Variants in TNFRSF21 observed in about 807,000 individuals in gnomAD.
The protein encoded by TNFRSF21 is TNF receptor superfamily member 21.
In TNFRSF21, 19 loss-of-function variants were observed where a neutral mutation model predicts 45.6. The ratio of observed to expected loss-of-function variants is 0.42; its 90% CI spans 0.29 to 0.61. The LOEUF is 0.61. Ranked by LOEUF, TNFRSF21 falls within the 20% of genes least tolerant of loss-of-function variation. TNFRSF21 has a pLI of 0.23. For synonymous variants in TNFRSF21, 314 were observed against 335.5 expected (o/e 0.94, Z 0.70); for missense variants, 737 against 851.5 (o/e 0.87, Z 1.67).
At chr6:47,292,655 A>T (rs538204274) in intron 1 of TNFRSF21, among the ~76,000 whole-genome samples, 2 of 152,194 alleles carry the variant, frequency 1.3e-5, no homozygotes, top group African/African-American at 4.8e-5. Context: ...CCCTGTATTA[A>T]TTAGTATTTT....
chr6:47,290,627 T>A (rs1762711369), intron 1 of TNFRSF21, among the ~76,000 whole-genome samples: 1 of 152,162 alleles, frequency 6.6e-6, no homozygotes, highest in African/African-American at 2.4e-5. Context: ...AACTCGGCCC[T>A]GTTTAAACTG....
rs746299347 is a variant in TNFRSF21, at chr6:47,232,720, C to T, written c.*45G>A. ...AACAGAAGAAAATTAAAAAACCACCCTGCCACTAAATTGAGTAATTTCCAG... is the reference window on the plus strand; with the variant it reads ...AACAGAAGAAAATTAAAAAACCACCTTGCCACTAAATTGAGTAATTTCCAG... On this transcript the variant is annotated 3_prime_UTR_variant, in exon 6 of 6. Transcript: ENST00000296861. 4 of 1,576,304 alleles carry T rather than the reference C, an allele frequency of 2.5e-6. No individual in the cohort carries two copies. The highest frequency in any genetic ancestry group is 2.2e-5 in the East Asian group (1 of 44,582).
At chr6:47,285,917 A>T in intron 2 of TNFRSF21, 27 bp downstream of exon 2, 2 of 1,606,106 alleles carry the variant, frequency 1.2e-6, no homozygotes, top group East Asian at 4.5e-5. Flanking sequence ...GCCTTCCTCA[A>T]ATAAATAATT....
At chr6:47,257,165 C>A (rs1235689541) in intron 3 of TNFRSF21, among the ~76,000 whole-genome samples, 1 of 151,668 alleles carries the variant, frequency 6.6e-6, no homozygotes, top group Non-Finnish European at 1.5e-5. Context: ...AGTTTAACAA[C>A]CCCTCCTTCC....
intron 4 of TNFRSF21, among the ~76,000 whole-genome samples, chr6:47,236,139 G>A (rs1764663724): frequency 6.6e-6 from 1 of 152,242 alleles, no homozygotes; most frequent in African/African-American, 2.4e-5. Flanking sequence ...CAGAAAGCCA[G>A]TGCTCAACTC....
intron 3 of TNFRSF21, among the ~76,000 whole-genome samples, chr6:47,256,437 T>C (rs562993838): frequency 4.6e-5 from 7 of 152,162 alleles, no homozygotes; most frequent in South Asian, 2.1e-4. Flanking sequence ...GGTGGGAGGA[T>C]TGCTTGAGCC....
At chr6:47,247,525 G>A (rs1046958029) in intron 4 of TNFRSF21, among the ~76,000 whole-genome samples, 2 of 152,176 alleles carry the variant, frequency 1.3e-5, no homozygotes, top group African/African-American at 4.8e-5. Flanking sequence ...GCTTCAACTC[G>A]TCCTCACTGT....
chr6:47,231,661 G>A lies in TNFRSF21; in HGVS notation c.*1104C>T, dbSNP rs912816722. ...CACGCCACCTTTGCATTGGAACCTG[G>A]CAACTGAGCATTAGAAGGTACATTT... is the stretch of plus-strand genomic sequence containing the variant. On this transcript the variant is annotated 3_prime_UTR_variant, in exon 6 of 6. Coordinates refer to ENST00000296861, the MANE Select transcript of TNFRSF21 (RefSeq NM_014452.5). 6.6e-6 allele frequency: 1 copy of A among 152,466 alleles called. No individual in the cohort carries two copies. Among genetic ancestry groups the A allele is most frequent in the Admixed American group, 6.6e-5 (1 of 15,252 alleles). 9.4% of individuals were successfully genotyped at this position (152,466 alleles called of 1,614,324 possible).
rs148262861 is a variant in TNFRSF21 at position 47,308,354 on chromosome 6, G to A, written c.96+1062C>T. Among the ~76,000 whole-genome samples the A allele has an allele frequency of 5.3e-5, 8 of 152,228 alleles. No homozygotes were observed. In the East Asian group the frequency reaches 1.4e-3, roughly 26 times the overall value. On this transcript the variant is annotated intron_variant, in intron 1 of 5. Coordinates refer to ENST00000296861, the MANE Select transcript of TNFRSF21 (RefSeq NM_014452.5). ...TGCTTTTCCCTTACACAGCCCTGTC[G>A]TGAAAACAAGCTCTTGTTTCTTGGG...
intron 3 of TNFRSF21, among the ~76,000 whole-genome samples, chr6:47,272,173 C>A (rs1762431815): frequency 6.6e-6 from 1 of 152,174 alleles, no homozygotes; most frequent in Non-Finnish European, 1.5e-5. Flanking sequence ...ACCTAATAGA[C>A]ATCTACAGAA....
intron 3 of TNFRSF21, among the ~76,000 whole-genome samples, chr6:47,254,753 G>C (rs574163064): frequency 1.3e-5 from 2 of 152,314 alleles, no homozygotes; most frequent in African/African-American, 4.8e-5. Flanking sequence ...AACTTGGCTT[G>C]CATAGTTATA....
At chr6:47,292,452 G>GT (rs1258303110) in intron 1 of TNFRSF21, among the ~76,000 whole-genome samples, 1 of 151,790 alleles carries the variant, frequency 6.6e-6, no homozygotes, top group East Asian at 1.9e-4. Context: ...AATTTATTTG[G>GT]TTTTAGCTTT....
intron 3 of TNFRSF21, among the ~76,000 whole-genome samples, chr6:47,257,062 G>C (rs969164831): frequency 6.6e-6 from 1 of 152,090 alleles, no homozygotes; most frequent in Non-Finnish European, 1.5e-5. Flanking sequence ...CATTATGAAA[G>C]CTCCATACAC....
rs1236541140 is a variant in TNFRSF21, at chr6:47,234,665, C to T, written c.1738+5G>A. The T allele has an allele frequency of 6.2e-7, 1 of 1,601,798 alleles. No homozygotes were observed. ...CGTGTGTGAGGTCTGCTGCGATGCC[C>T]GTACCTTTGGTAATAAAGGAACCGT... is the stretch of plus-strand genomic sequence containing the variant. On this transcript the variant is annotated splice_donor_5th_base_variant and intron_variant, in intron 5 of 5. Transcript: ENST00000296861.
At chr6:47,301,247 C>G (rs2017424) in intron 1 of TNFRSF21, among the ~76,000 whole-genome samples, 89,893 of 152,092 alleles carry the variant, frequency 0.59, 28,452 homozygotes, top group African/African-American at 0.83. Context: ...ATCATTTATT[C>G]CTTAACTGTT....
intron 5 of TNFRSF21, 100 bp from the exon 6 acceptor site, chr6:47,233,094 C>G: frequency 1.0e-6 from 1 of 986,730 alleles, no homozygotes; most frequent in Non-Finnish European, 1.5e-6. Context: ...ACATCTATGT[C>G]CCCCCCAGCC....
intron 1 of TNFRSF21, among the ~76,000 whole-genome samples, chr6:47,301,429 G>A (rs568385438): frequency 1.3e-5 from 2 of 152,292 alleles, no homozygotes; most frequent in South Asian, 4.1e-4. Flanking sequence ...AGAGGAGAGA[G>A]GAGTCATGGA....
intron 2 of TNFRSF21, among the ~76,000 whole-genome samples, chr6:47,284,805 G>T (rs1762623284): frequency 6.6e-6 from 1 of 152,102 alleles, no homozygotes; most frequent in South Asian, 2.1e-4. Context: ...TAATTATTTT[G>T]TCCATCCTCC....
chr6:47,276,653 C>T (rs1762501533), intron 3 of TNFRSF21, among the ~76,000 whole-genome samples: 1 of 152,230 alleles, frequency 6.6e-6, no homozygotes, highest in African/African-American at 2.4e-5. Context: ...CACTTTCACA[C>T]TACTACACTT....
Sources: gnomAD v4.1 joint callset for allele counts (sites outside exome capture counted in the v4.1 genomes callset) on GRCh38, gnomAD v4.1.1 for gene constraint, MANE v1.5 for transcripts, NCBI Gene and HGNC (gene_info 2026-07-23, HGNC 2026-07-21) for gene names.